MYH9: variants seen among roughly 807,000 people sequenced by gnomAD.
MYH9 encodes myosin-9.
Under a neutral mutation model 241.9 loss-of-function variants are expected in MYH9, and 29 were observed. The ratio of observed to expected loss-of-function variants is 0.12; its 90% CI spans 0.09 to 0.16. The LOEUF (loss-of-function observed/expected upper bound fraction) is 0.16. Among genes scored for constraint, MYH9 ranks in the 10% least tolerant of loss-of-function variants. MYH9 has a pLI of 1.00. For missense variants in MYH9, 1,803 were observed against 2,595.5 expected (o/e 0.69, Z 6.63); for synonymous variants, 1,047 against 1,062.6 (o/e 0.99, Z 0.29).
rs1179912244 is a variant in MYH9, at chr22:36,293,610, G to A, written c.3943-129C>T. 1 of 1,413,480 alleles carries A rather than the reference G, an allele frequency of 7.1e-7. No homozygotes were observed. 87.6% of individuals were successfully genotyped at this position (1,413,480 alleles called of 1,614,324 possible). A position where few individuals can be genotyped will look rare whatever the true frequency, so the allele number is the denominator to read the frequency against. ...GGGGATGGCCACGTAAAGACCTGGA[G>A]GGAGCTGGGAGGACGCAGAGACCCA... On this transcript the variant is annotated intron_variant, in intron 29 of 40. Coordinates refer to ENST00000216181, the MANE Select transcript of MYH9 (RefSeq NM_002473.6). The surrounding 1 kb of genome is among the most constrained non-coding windows in gnomAD (Gnocchi z 5.1).
At chr22:36,317,129 G>GCCATACCACCCTAAACGC (rs1556636473) in intron 11 of MYH9, among the ~76,000 whole-genome samples, 8 of 152,012 alleles carry the variant, frequency 5.3e-5, no homozygotes, top group Admixed American at 1.3e-4. Flanking sequence ...TAAGGCAGTG[G>GCCATACCACCCTAAACGC]GCAGAGGGGC....
intron 1 of MYH9, among the ~76,000 whole-genome samples, chr22:36,364,559 G>C (rs1603484363): frequency 6.6e-6 from 1 of 152,300 alleles, no homozygotes; most frequent in Non-Finnish European, 1.5e-5. Context: ...ATGGGCCATA[G>C]CTTCTCTGTG....
intron 3 of MYH9, 85 bp from the exon 4 acceptor site, chr22:36,327,573 A>AC (rs1205894423): frequency 1.0e-5 from 15 of 1,469,336 alleles, no homozygotes; most frequent in African/African-American, 4.2e-5. Context: ...CGTTTCCCAG[A>AC]CAGGGAGCAC....
Position 36,305,329 on chromosome 22 carries a change from G to A in MYH9, c.2160-227C>T, listed in dbSNP as rs1269100062. 6.6e-6 allele frequency among the ~76,000 whole-genome samples: 1 copy of A among 152,192 alleles called. No homozygotes were observed. The highest frequency in any genetic ancestry group is 2.4e-5 in the African/African-American group (1 of 41,432). On this transcript the variant is annotated intron_variant, in intron 17 of 40. Transcript: ENST00000216181. This position sits in a 1 kb window ranked among gnomAD's most constrained non-coding sequence, Gnocchi z 4.7. ...TTCCGGAAAGTGAATGGAAACTCGT[G>A]TAGGACCGTTTCAATCACTCAAGGG...
At position 36,282,479 on chromosome 22, in the gene MYH9, T is replaced by C; in HGVS notation, c.*189A>G. The C allele has an allele frequency of 1.4e-6, 1 of 727,728 alleles. No individual in the cohort carries two copies. Among genetic ancestry groups the C allele is most frequent in the South Asian group, 1.5e-5 (1 of 66,862 alleles). The allele number at this position is 727,728 out of a possible 1,614,324, so 45.1% of individuals were successfully genotyped here. Reference sequence around the variant, plus strand: ...AGCAGGGGAGGGAGCTGGAAGGGGATGCAGCAGAGGAAGCCAAATGCCCTC... The same window carrying C: ...AGCAGGGGAGGGAGCTGGAAGGGGACGCAGCAGAGGAAGCCAAATGCCCTC... On this transcript the variant is annotated 3_prime_UTR_variant, in exon 41 of 41. Coordinates refer to ENST00000216181, the MANE Select transcript of MYH9 (RefSeq NM_002473.6).
At chr22:36,302,931 A>G (rs2016905435) in intron 19 of MYH9, among the ~76,000 whole-genome samples, 1 of 152,186 alleles carries the variant, frequency 6.6e-6, no homozygotes, top group African/African-American at 2.4e-5. Context: ...TGAGGTGCCC[A>G]TGGGGGTGAA....
In MYH9 at chr22:36,281,794, A is replaced by AGATC. The variant is rs1246556803; in HGVS notation, c.*870_*873dup. ...CGGGCCCAGTCCTAGAGTAGACACA[A>AGATC]GATCGCCTGGGAGGGCCGCTGGCCC... On this transcript the variant is annotated 3_prime_UTR_variant, in exon 41 of 41. Transcript: ENST00000216181. The AGATC allele has an allele frequency of 4.3e-6, 1 of 231,422 alleles. No homozygotes were observed. Among genetic ancestry groups the AGATC allele is most frequent in the Non-Finnish European group, 8.6e-6 (1 of 116,670 alleles). 14.3% of individuals were successfully genotyped at this position (231,422 alleles called of 1,614,324 possible).
intron 1 of MYH9, among the ~76,000 whole-genome samples, chr22:36,365,917 G>A (rs1341259940): frequency 6.6e-6 from 1 of 152,182 alleles, no homozygotes; most frequent in East Asian, 1.9e-4. Context: ...CGCCAGGCAT[G>A]GTGGCTCACG....
intron 1 of MYH9, among the ~76,000 whole-genome samples, chr22:36,376,745 T>C (rs1209263152): frequency 2.0e-5 from 3 of 152,348 alleles, no homozygotes; most frequent in East Asian, 3.9e-4. Context: ...TTTGGCTATC[T>C]AGGCCTCCCT....
chr22:36,320,890 A>G lies in MYH9; in HGVS notation c.776T>C (p.Leu259Ser). ...TTGGCGGATAGCACGAGATTTCTCC[A>G]AAAGATCTTTGCAAATATTAAGGAG... ...IVGANIETYLLEKSRAIRQAK... is the reference protein window; with the variant it reads ...IVGANIETYLSEKSRAIRQAK... Residue 259 changes from leucine to serine, a missense_variant, in exon 8 of 41, where the codon TTG (leucine) becomes TCG (serine). This residue lies in a region of MYH9 where 222 missense variants were observed against 359.9 expected (regional missense o/e 0.62). Coordinates refer to ENST00000216181, the MANE Select transcript of MYH9 (RefSeq NM_002473.6). This position sits in a 1 kb window ranked among gnomAD's most constrained non-coding sequence, Gnocchi z 4.8. The G allele has an allele frequency of 6.2e-7, 1 of 1,613,468 alleles. No individual in the cohort carries two copies. Among genetic ancestry groups the G allele is most frequent in the Non-Finnish European group, 8.5e-7 (1 of 1,179,564 alleles).
intron 1 of MYH9, among the ~76,000 whole-genome samples, chr22:36,380,204 G>A (rs896669040): frequency 3.9e-5 from 6 of 152,174 alleles, no homozygotes; most frequent in Non-Finnish European, 5.9e-5. Flanking sequence ...GGAGTCAATC[G>A]GGCACAACAG....
chr22:36,284,016 G>T, intron 40 of MYH9, 77 bp downstream of exon 40: 1 of 1,569,322 alleles, frequency 6.4e-7, no homozygotes, highest in Non-Finnish European at 8.8e-7. Flanking sequence ...TGCCTTGCTT[G>T]TGGGCTCTGG....
chr22:36,355,335 T>TAAA (rs886733277), intron 1 of MYH9, among the ~76,000 whole-genome samples: 2 of 152,168 alleles, frequency 1.3e-5, no homozygotes, highest in African/African-American at 4.8e-5. Context: ...ATTTGCCTTC[T>TAAA]CCCCTTCCCC....
chr22:36,298,784 C>A, intron 24 of MYH9, 135 bp downstream of exon 24: 1 of 1,349,422 alleles, frequency 7.4e-7, no homozygotes, highest in South Asian at 1.2e-5. Context: ...AGGGCAGCAG[C>A]CAGTGCTGTA....
intron 1 of MYH9, among the ~76,000 whole-genome samples, chr22:36,358,719 C>T (rs1389159533): frequency 6.6e-6 from 1 of 152,198 alleles, no homozygotes; most frequent in Non-Finnish European, 1.5e-5. Flanking sequence ...CACAGGCCCT[C>T]CCTTCTGGAC....
intron 15 of MYH9, chr22:36,308,710 A>G: frequency 1.7e-6 from 1 of 576,770 alleles, no homozygotes; most frequent in Non-Finnish European, 2.0e-6. Flanking sequence ...GGAAAAGCCA[A>G]GGCAAGGGGG....
rs1317233220 is a variant in MYH9 at position 36,288,580 on chromosome 22, C to T, written c.4770+147G>A. 19 of 1,315,672 alleles carry T rather than the reference C, an allele frequency of 1.4e-5. No homozygotes were observed. Among genetic ancestry groups the T allele is most frequent in the Admixed American group, 6.9e-5 (4 of 58,324 alleles). The allele number at this position is 1,315,672 out of a possible 1,614,324, so 81.5% of individuals were successfully genotyped here. ...TCTAAGAAAGTGAGTCACTGAACCCCGAGACAGGAGGCTAGAAAGAAGGAA... is the reference window on the plus strand; with the variant it reads ...TCTAAGAAAGTGAGTCACTGAACCCTGAGACAGGAGGCTAGAAAGAAGGAA... On this transcript the variant is annotated intron_variant, in intron 33 of 40. Transcript: ENST00000216181. The surrounding 1 kb of genome is among the most constrained non-coding windows in gnomAD (Gnocchi z 4.8).
chr22:36,338,936 AGATGTAC>A (rs2017542073), intron 3 of MYH9, among the ~76,000 whole-genome samples: 1 of 152,232 alleles, frequency 6.6e-6, no homozygotes, highest in Non-Finnish European at 1.5e-5. Flanking sequence ...TGAATTGCAC[AGATGTAC>A]GAGGGTGGCC....
At chr22:36,344,899 G>T (rs1378289482) in intron 2 of MYH9, among the ~76,000 whole-genome samples, 2 of 152,198 alleles carry the variant, frequency 1.3e-5, no homozygotes, top group Non-Finnish European at 2.9e-5. Flanking sequence ...AGTTAAAAAG[G>T]CACCAATAAA....
Sources: gnomAD v4.1 joint callset for allele counts (sites outside exome capture counted in the v4.1 genomes callset) on GRCh38, gnomAD v4.1.1 for gene constraint, gnomAD v4.1.1 regional missense constraint, Gnocchi (gnomAD v3.1) non-coding constraint, MANE v1.5 for transcripts, NCBI Gene and HGNC (gene_info 2026-07-23, HGNC 2026-07-21) for gene names.